Variants in TMEM17 observed in about 807,000 individuals in gnomAD.
TMEM17 encodes transmembrane protein 17.
In TMEM17, 15 loss-of-function variants were observed where a neutral mutation model predicts 19.1. The observed-to-expected ratio is 0.78, with a 90% confidence interval of 0.52 to 1.21. The LOEUF (loss-of-function observed/expected upper bound fraction) is 1.21, where lower values mean the gene tolerates loss of function less well. Ranked by LOEUF, TMEM17 falls within the 50% of genes most tolerant of loss-of-function variation. The pLI is 0.00. For synonymous variants in TMEM17, 103 were observed against 86.9 expected (o/e 1.19, Z -1.03); for missense variants, 245 against 242.3 (o/e 1.01, Z -0.07).
At chr2:62,498,642 G>A (rs1051500987), downstream of TMEM17, among the ~76,000 whole-genome samples, 1 of 147,094 alleles carries the variant, frequency 6.8e-6, no homozygotes, top group Non-Finnish European at 1.5e-5. Context: ...CGTGAACCCG[G>A]GAGGCGGAGC....
At chr2:62,498,512 C>A (rs1219808007), downstream of TMEM17, among the ~76,000 whole-genome samples, 1 of 150,436 alleles carries the variant, frequency 6.6e-6, no homozygotes, top group Non-Finnish European at 1.5e-5. Flanking sequence ...GTCAGGAGAT[C>A]GAGACCATCC....
At chr2:62,469,588 T>C in the TMEM17 span, among the ~76,000 whole-genome samples, 2 of 152,190 alleles carry the variant, frequency 1.3e-5, no homozygotes. Flanking sequence ...ACATTTACAG[T>C]TGTTGGTTCA....
At chr2:62,456,401 C>A in the TMEM17 span, among the ~76,000 whole-genome samples, 10 of 152,328 alleles carry the variant, frequency 6.6e-5, no homozygotes, top group East Asian at 5.8e-4. Context: ...ATTTCCAAAT[C>A]TCTCTCTCTG....
chr2:62,500,163 C>T (rs1679882026), downstream of TMEM17: 3 of 152,164 alleles, frequency 2.0e-5, no homozygotes, highest in South Asian at 6.2e-4. Flanking sequence ...TCTTGCAACT[C>T]TGTAATAAAA....
chr2:62,493,166 A>T, the TMEM17 span, among the ~76,000 whole-genome samples: 1 of 152,094 alleles, frequency 6.6e-6, no homozygotes, highest in South Asian at 2.1e-4. Flanking sequence ...AGTGGCTGGG[A>T]CTAGGGGCAC....
At chr2:62,485,616 C>A in the TMEM17 span, among the ~76,000 whole-genome samples, 1 of 152,148 alleles carries the variant, frequency 6.6e-6, no homozygotes, top group Non-Finnish European at 1.5e-5. Context: ...ATATAAGATA[C>A]AGGTTCTAAG....
the TMEM17 span, among the ~76,000 whole-genome samples, chr2:62,465,217 A>G: frequency 6.6e-6 from 1 of 152,220 alleles, no homozygotes; most frequent in African/African-American, 2.4e-5. Flanking sequence ...GGAAGTGAGA[A>G]GCAAGATGGA....
At chr2:62,485,596 G>A in the TMEM17 span, among the ~76,000 whole-genome samples, 6 of 152,110 alleles carry the variant, frequency 3.9e-5, no homozygotes, top group Non-Finnish European at 7.3e-5. Context: ...AGAGTGGGAC[G>A]CAGCTTTTAA....
At chr2:62,463,491 A>G in the TMEM17 span, among the ~76,000 whole-genome samples, 1 of 152,238 alleles carries the variant, frequency 6.6e-6, no homozygotes, top group South Asian at 2.1e-4. Flanking sequence ...TAGGCTATTC[A>G]TAGTCTCAAA....
intron 1 of TMEM17, among the ~76,000 whole-genome samples, chr2:62,504,786 ATAT>A (rs1265723900): frequency 2.6e-5 from 4 of 152,206 alleles, no homozygotes; most frequent in South Asian, 4.1e-4. Context: ...TAAAAAAGTA[ATAT>A]TTTTTCCACA....
At chr2:62,462,251 C>T in the TMEM17 span, among the ~76,000 whole-genome samples, 1 of 152,174 alleles carries the variant, frequency 6.6e-6, no homozygotes, top group Non-Finnish European at 1.5e-5. Flanking sequence ...TCTCAGGCCA[C>T]CCCACCCTCC....
the TMEM17 span, among the ~76,000 whole-genome samples, chr2:62,489,006 A>T: frequency 6.6e-6 from 1 of 152,120 alleles, no homozygotes. Context: ...TTCCACGGAC[A>T]CCCTTACCAG....
At chr2:62,504,084 C>A (rs1680002313) in intron 1 of TMEM17, among the ~76,000 whole-genome samples, 1 of 152,148 alleles carries the variant, frequency 6.6e-6, no homozygotes, top group Non-Finnish European at 1.5e-5. Context: ...ACATTATTTT[C>A]TCCTTTTCTC....
At chr2:62,497,120 C>G (rs552922827), downstream of TMEM17, among the ~76,000 whole-genome samples, 33 of 152,336 alleles carry the variant, frequency 2.2e-4, no homozygotes, top group South Asian at 6.0e-3. Flanking sequence ...CTTTAAAACA[C>G]TATAGTAGGT....
chr2:62,503,248 CT>C (rs1679980721), intron 1 of TMEM17, among the ~76,000 whole-genome samples: 1 of 152,210 alleles, frequency 6.6e-6, no homozygotes, highest in Non-Finnish European at 1.5e-5. Flanking sequence ...ACACATCTCT[CT>C]TTTCAGCATA....
chr2:62,480,362 T>C, the TMEM17 span, among the ~76,000 whole-genome samples: 2 of 152,240 alleles, frequency 1.3e-5, no homozygotes, highest in African/African-American at 4.8e-5. Context: ...TCCCATTCTT[T>C]AGATTGTCCT....
the TMEM17 span, among the ~76,000 whole-genome samples, chr2:62,488,314 C>G: frequency 1.3e-5 from 2 of 151,744 alleles, no homozygotes; most frequent in Admixed American, 1.3e-4. Flanking sequence ...TAGGTATGAC[C>G]CAAATGCAAA....
chr2:62,489,298 A>G, the TMEM17 span, among the ~76,000 whole-genome samples: 1,007 of 152,280 alleles, frequency 6.6e-3, 11 homozygotes, highest in African/African-American at 0.023. Context: ...TTGGCCCTGA[A>G]TGGAGTCGGA....
chr2:62,470,014 T>C, the TMEM17 span, among the ~76,000 whole-genome samples: 71 of 152,140 alleles, frequency 4.7e-4, 1 homozygote, highest in African/African-American at 1.5e-3. Context: ...GTCCAGCATG[T>C]CCTCTCATTT....
Sources: allele counts gnomAD v4.1 joint callset (sites outside exome capture counted in the v4.1 genomes callset), GRCh38; gene constraint gnomAD v4.1.1; transcripts MANE v1.5; gene names NCBI Gene and HGNC (gene_info 2026-07-23, HGNC 2026-07-21).